Variants in EVI5 observed in about 807,000 individuals in gnomAD.
EVI5 encodes ecotropic viral integration site 5.
A neutral mutation model predicts 112.0 loss-of-function variants in EVI5; 73 were observed. The observed-to-expected ratio is 0.65, with a 90% CI of 0.54 to 0.79. EVI5 has a LOEUF of 0.79. Among genes scored for constraint, EVI5 ranks in the 30% least tolerant of loss-of-function variants. The pLI is 0.00. For missense variants in EVI5, 900 were observed against 968.8 expected (o/e 0.93, Z 0.94); for synonymous variants, 305 against 319.9 (o/e 0.95, Z 0.50).
In EVI5 at chr1:92,672,586, C is replaced by T. The variant is rs867181526; in HGVS notation, c.1158+4572G>A. On this transcript the variant is annotated intron_variant, in intron 10 of 19. Coordinates refer to ENST00000684568, the MANE Select transcript of EVI5 (RefSeq NM_001350197.2). ...TAAGACTTTACCACCATCCAAAATA[C>T]CGTACATTTGACTTTTCTGTTTATT... 2.0e-5 allele frequency among the ~76,000 whole-genome samples: 3 copies of T among 152,176 alleles called. No individual in the cohort carries two copies. The East Asian group carries it at 5.8e-4, about 29-fold the overall frequency.
chr1:92,756,328 A>G (rs1680949145), intron 1 of EVI5: 1 of 478,642 alleles, frequency 2.1e-6, no homozygotes, highest in African/African-American at 2.0e-5. Context: ...TTTGCCTGGA[A>G]AAGATTAAAC....
At chr1:92,658,069 G>A (rs1160628515) in intron 13 of EVI5, among the ~76,000 whole-genome samples, 1 of 152,116 alleles carries the variant, frequency 6.6e-6, no homozygotes, top group African/African-American at 2.4e-5. Context: ...CCATATCATA[G>A]GCATTGAAGG....
At chr1:92,767,020 T>C (rs1570861824) in intron 1 of EVI5, among the ~76,000 whole-genome samples, 1 of 149,288 alleles carries the variant, frequency 6.7e-6, no homozygotes, top group South Asian at 2.1e-4. Flanking sequence ...GAGGCAGAGG[T>C]TGCAGTGAGC....
intron 19 of EVI5, among the ~76,000 whole-genome samples, chr1:92,557,567 G>A (rs2100828581): frequency 6.6e-6 from 1 of 152,066 alleles, no homozygotes; most frequent in African/African-American, 2.4e-5. Context: ...TCAGAGTGCT[G>A]GGATAACAGG....
chr1:92,552,399 A>C (rs1476156550), intron 19 of EVI5, among the ~76,000 whole-genome samples: 7 of 152,240 alleles, frequency 4.6e-5, no homozygotes, highest in African/African-American at 1.7e-4. Flanking sequence ...CCCATTTCTG[A>C]ACTATTAAAT....
At chr1:92,693,149 C>T (rs993238421) in intron 9 of EVI5, among the ~76,000 whole-genome samples, 2 of 152,054 alleles carry the variant, frequency 1.3e-5, no homozygotes, top group Admixed American at 1.3e-4. Flanking sequence ...CCCAGGGGTT[C>T]GAGACCAGCC....
intron 11 of EVI5, among the ~76,000 whole-genome samples, chr1:92,664,492 A>AAAG (rs1040622385): frequency 6.6e-6 from 1 of 151,694 alleles, no homozygotes; most frequent in African/African-American, 2.4e-5. Context: ...ATTTAAAAAA[A>AAAG]AAAAAAAACT....
exon 1 of EVI5, chr1:92,792,392 C>T (rs765304884): frequency 6.2e-7 from 1 of 1,609,220 alleles, no homozygotes; most frequent in Non-Finnish European, 8.5e-7. Context: ...TGTTGGTAAC[C>T]ATGATAAGCA....
At chr1:92,575,585 T>C (rs925233324) in intron 18 of EVI5, among the ~76,000 whole-genome samples, 21 of 56,168 alleles carry the variant, frequency 3.7e-4, no homozygotes, top group African/African-American at 1.3e-3. Flanking sequence ...TTTTTTTTTT[T>C]CTGAGACAGA....
intron 1 of EVI5, among the ~76,000 whole-genome samples, chr1:92,737,182 G>C (rs1232502145): frequency 6.6e-6 from 1 of 151,990 alleles, no homozygotes; most frequent in Non-Finnish European, 1.5e-5. Flanking sequence ...AACCACTAAA[G>C]AGTGTTGTTA....
intron 19 of EVI5, among the ~76,000 whole-genome samples, chr1:92,529,958 T>A (rs958389723): frequency 4.6e-5 from 7 of 152,202 alleles, no homozygotes; most frequent in Admixed American, 3.9e-4. Context: ...TGAATATATG[T>A]AGATAAATTT....
chr1:92,585,335 T>A (rs1379805345), intron 18 of EVI5, among the ~76,000 whole-genome samples: 1 of 151,844 alleles, frequency 6.6e-6, no homozygotes, highest in African/African-American at 2.4e-5. Flanking sequence ...GTACAAAAAA[T>A]TTAAAAATTA....
intron 19 of EVI5, among the ~76,000 whole-genome samples, chr1:92,541,628 A>G (rs541504729): frequency 1.3e-5 from 2 of 152,322 alleles, no homozygotes; most frequent in South Asian, 2.1e-4. Context: ...ACTCAGACCA[A>G]TGAAAACATA....
At chr1:92,634,789 T>G (rs977102684) in intron 14 of EVI5, among the ~76,000 whole-genome samples, 5 of 152,288 alleles carry the variant, frequency 3.3e-5, no homozygotes, top group African/African-American at 1.2e-4. Context: ...TCTGCTCTGT[T>G]TTTTCCCCAT....
chr1:92,758,108 A>T (rs1681233334), intron 1 of EVI5, among the ~76,000 whole-genome samples: 1 of 152,180 alleles, frequency 6.6e-6, no homozygotes, highest in South Asian at 2.1e-4. Flanking sequence ...ATATACATAC[A>T]ATATAATACC....
In EVI5 at chr1:92,663,417, T is replaced by C; in HGVS notation, c.1245+3A>G. 1 of 1,414,886 alleles carries C rather than the reference T, an allele frequency of 7.1e-7. No homozygotes were observed. Among genetic ancestry groups the C allele is most frequent in the Non-Finnish European group, 9.5e-7 (1 of 1,057,056 alleles). 87.6% of individuals were successfully genotyped at this position (1,414,886 alleles called of 1,614,324 possible). On this transcript the variant is annotated splice_donor_region_variant and intron_variant, in intron 12 of 19. Transcript: ENST00000684568. ...AAAAACTAAAACAAAACAAAAACTA[T>C]ACCTGTATCAATCTATCTGCCAAGG... is the stretch of plus-strand genomic sequence containing the variant.
chr1:92,605,092 C>G (rs1650069060), intron 18 of EVI5, among the ~76,000 whole-genome samples: 1 of 151,980 alleles, frequency 6.6e-6, no homozygotes, highest in Non-Finnish European at 1.5e-5. Flanking sequence ...GTGGTGATGG[C>G]TGCACAACAG....
At chr1:92,674,430 C>A (rs1666379721) in intron 10 of EVI5, among the ~76,000 whole-genome samples, 1 of 152,088 alleles carries the variant, frequency 6.6e-6, no homozygotes, top group Admixed American at 6.6e-5. Flanking sequence ...CAAACTAACA[C>A]AGGAACAGAA....
At chr1:92,662,257 A>G (rs1664154214) in intron 13 of EVI5, among the ~76,000 whole-genome samples, 1 of 152,226 alleles carries the variant, frequency 6.6e-6, no homozygotes, top group Admixed American at 6.5e-5. Context: ...GTATTTCGTA[A>G]GACACAAATT....
Sources: gnomAD v4.1 joint callset for allele counts (sites outside exome capture counted in the v4.1 genomes callset) on GRCh38, gnomAD v4.1.1 for gene constraint, MANE v1.5 for transcripts, NCBI Gene and HGNC (gene_info 2026-07-23, HGNC 2026-07-21) for gene names.